Variants in SHROOM3 observed in about 807,000 individuals in gnomAD.
SHROOM3 encodes the protein shroom family member 3, also known as protein Shroom3.
SHROOM3 carries 47 observed loss-of-function variants against 138.6 expected under a neutral mutation model. The ratio of observed to expected loss-of-function variants is 0.34; its 90% CI spans 0.27 to 0.43. The LOEUF is 0.43. Ranked by LOEUF, SHROOM3 falls within the 20% of genes least tolerant of loss-of-function variation. The pLI is 1.00. For synonymous variants in SHROOM3, 1,062 were observed against 1,063.3 expected (o/e 1.00, Z 0.02); for missense variants, 2,491 against 2,596.5 (o/e 0.96, Z 0.88).
intron 2 of SHROOM3, among the ~76,000 whole-genome samples, chr4:76,653,983 GA>G (rs2110089752): frequency 6.6e-6 from 1 of 152,302 alleles, no homozygotes; most frequent in Non-Finnish European, 1.5e-5. Flanking sequence ...TAGTAATGGA[GA>G]AAAACTCATA....
chr4:76,489,138 G>A (rs1370085930), intron 1 of SHROOM3, among the ~76,000 whole-genome samples: 5 of 152,180 alleles, frequency 3.3e-5, no homozygotes, highest in African/African-American at 1.2e-4. Flanking sequence ...TTTGCTGCTT[G>A]AATAATTTCA....
chr4:76,643,068 G>C (rs569154044), intron 2 of SHROOM3, among the ~76,000 whole-genome samples: 1 of 151,982 alleles, frequency 6.6e-6, no homozygotes, highest in African/African-American at 2.4e-5. Flanking sequence ...GTAGCCGGCC[G>C]TAGTGGTGCA....
chr4:76,509,665 G>A (rs1344486787), intron 1 of SHROOM3: 1 of 152,214 alleles, frequency 6.6e-6, no homozygotes, highest in East Asian at 1.9e-4. Context: ...TGGCTCTTGA[G>A]TTTCTGGCAC....
intron 1 of SHROOM3, among the ~76,000 whole-genome samples, chr4:76,452,877 C>T (rs968982166): frequency 5.9e-5 from 9 of 152,232 alleles, no homozygotes; most frequent in Middle Eastern, 6.8e-3. Context: ...GCCACCATGC[C>T]GAGCTAATTT....
chr4:76,647,019 A>G (rs1735836562), intron 2 of SHROOM3, among the ~76,000 whole-genome samples: 2 of 152,246 alleles, frequency 1.3e-5, no homozygotes, highest in Admixed American at 1.3e-4. Context: ...CTAAGTGTTC[A>G]TCAGCGGGCA....
At chr4:76,558,907 C>T (rs73828103) in intron 2 of SHROOM3, among the ~76,000 whole-genome samples, 5,972 of 152,222 alleles carry the variant, frequency 0.039, 386 homozygotes, top group African/African-American at 0.13. Flanking sequence ...GGCTTGGCTG[C>T]CAGGCGGCCA....
In SHROOM3 at chr4:76,555,734, C is replaced by T. The variant is rs368881982; in HGVS notation, c.294C>T (p.Ser98=). ...RKEAVSLVKG[S]YKTLRLVVRR... ...AGGCAGTTTCCCTGGTGAAAGGATC[C>T]TACAAGACCCTCAGGCTGGTAGTGC... Residue 98 remains serine, a synonymous_variant, in exon 2 of 11, where the codon TCC becomes TCT. Transcript: ENST00000296043. 3.1e-6 allele frequency: 5 copies of T among 1,613,546 alleles called. No homozygotes were observed. The African/African-American group carries it at 5.3e-5, about 17-fold the overall frequency.
intron 2 of SHROOM3, among the ~76,000 whole-genome samples, chr4:76,685,063 C>A (rs533876237): frequency 6.6e-6 from 1 of 152,236 alleles, no homozygotes; most frequent in South Asian, 2.1e-4. Flanking sequence ...TCACAGTAAA[C>A]CCCAACACCC....
At chr4:76,753,240 A>G (rs967512381) in intron 6 of SHROOM3, among the ~76,000 whole-genome samples, 1 of 152,214 alleles carries the variant, frequency 6.6e-6, no homozygotes, top group African/African-American at 2.4e-5. Flanking sequence ...TTATTCCATC[A>G]TCTGCATCTA....
rs529837112 is a variant in SHROOM3, at chr4:76,710,298, C to T, written c.455+11C>T. The T allele has an allele frequency of 6.3e-5, 101 of 1,613,598 alleles. No homozygotes were observed. The Admixed American group carries it at 1.2e-3, about 19-fold the overall frequency. On this transcript the variant is annotated intron_variant, in intron 3 of 10. Coordinates refer to ENST00000296043, the MANE Select transcript of SHROOM3 (RefSeq NM_020859.4). ...TCGGCTGAAGCACAGGTAAGACGCA[C>T]GGAAGTTGGTGCTGGCAGTTCGGAA...
chr4:76,678,849 A>T (rs1719112645), intron 2 of SHROOM3, among the ~76,000 whole-genome samples: 1 of 152,056 alleles, frequency 6.6e-6, no homozygotes, highest in African/African-American at 2.4e-5. Flanking sequence ...TTAAGTAGAG[A>T]CAGGGTTTCA....
chr4:76,555,900 CTT>C (rs969947976), intron 2 of SHROOM3, 137 bp downstream of exon 2: 4 of 954,002 alleles, frequency 4.2e-6, no homozygotes, highest in Admixed American at 4.2e-5. Context: ...GCCTTTTTTT[CTT>C]TTTTCTTTCC....
Position 76,741,051 on chromosome 4 carries a change from C to T in SHROOM3, c.2878C>T (p.Arg960Trp), listed in dbSNP as rs1367407405. 2.0e-6 allele frequency: 3 copies of T among 1,495,238 alleles called. No individual in the cohort carries two copies. The highest frequency in any genetic ancestry group is 1.4e-5 in the African/African-American group (1 of 70,840). 92.6% of individuals were successfully genotyped at this position (1,495,238 alleles called of 1,614,324 possible). The change falls in exon 5 of 11, where the codon CGG (arginine) becomes TGG (tryptophan). Residue 960 changes from arginine (R) to tryptophan (W), a missense_variant. This residue lies in a region of SHROOM3 where 1,733 missense variants were observed against 1,661.6 expected (regional missense o/e 1.04). Transcript: ENST00000296043. The surrounding 1 kb of genome is among the most constrained non-coding windows in gnomAD (Gnocchi z 6.2). ...CGTGGCGTCGAGGTCCTGGCGGCCA[C>T]GGCCTTCCTCGGCCCACGTGGGGCT... ...APVASRSWRP[R>W]PSSAHVGLRS...
intron 1 of SHROOM3, among the ~76,000 whole-genome samples, chr4:76,547,798 C>T (rs993743074): frequency 3.3e-5 from 5 of 151,964 alleles, no homozygotes; most frequent in African/African-American, 9.7e-5. Flanking sequence ...GATGTGGTAG[C>T]GTGCGCCTAT....
intron 1 of SHROOM3, among the ~76,000 whole-genome samples, chr4:76,520,534 C>T (rs939845950): frequency 8.5e-5 from 13 of 152,064 alleles, no homozygotes; most frequent in Admixed American, 2.0e-4. Flanking sequence ...CTCAGAGAGG[C>T]GCAGAGAGAT....
At chr4:76,658,003 G>A (rs1307318816) in intron 2 of SHROOM3, among the ~76,000 whole-genome samples, 4 of 152,162 alleles carry the variant, frequency 2.6e-5, no homozygotes, top group Non-Finnish European at 5.9e-5. Context: ...CATAAGCCAG[G>A]GCAAATCACT....
intron 2 of SHROOM3, among the ~76,000 whole-genome samples, chr4:76,620,576 G>A (rs1221377930): frequency 6.6e-6 from 1 of 152,208 alleles, no homozygotes; most frequent in Non-Finnish European, 1.5e-5. Flanking sequence ...AATGCCAACA[G>A]CAAGGGAGTG....
chr4:76,782,487 T>C lies in SHROOM3; in HGVS notation c.*3310T>C, dbSNP rs532354134. ...AATTCATGAGTTTAAATGGTAAATA[T>C]ATGCTTTAAGCTCTACCTTTAAACT... On this transcript the variant is annotated 3_prime_UTR_variant, in exon 11 of 11. Coordinates refer to ENST00000296043, the MANE Select transcript of SHROOM3 (RefSeq NM_020859.4). 16 of 152,354 alleles carry C rather than the reference T, an allele frequency of 1.1e-4. No homozygotes were observed. Among genetic ancestry groups the C allele is most frequent in the African/African-American group, 3.8e-4 (16 of 41,584 alleles). The allele number at this position is 152,354 out of a possible 1,614,324, so 9.4% of individuals were successfully genotyped here.
At chr4:76,575,168 A>C (rs1733913996) in intron 2 of SHROOM3, among the ~76,000 whole-genome samples, 2 of 152,246 alleles carry the variant, frequency 1.3e-5, no homozygotes, top group African/African-American at 4.8e-5. Context: ...TCATGATAAA[A>C]GTCCTTCAAA....
Sources: gnomAD v4.1 joint callset for allele counts (sites outside exome capture counted in the v4.1 genomes callset) on GRCh38, gnomAD v4.1.1 for gene constraint, gnomAD v4.1.1 regional missense constraint, Gnocchi (gnomAD v3.1) non-coding constraint, MANE v1.5 for transcripts, NCBI Gene and HGNC (gene_info 2026-07-23, HGNC 2026-07-21) for gene names.